Variants in SYDE2 observed in about 807,000 individuals in gnomAD.
The protein encoded by SYDE2 is rho GTPase-activating protein SYDE2.
Under a neutral mutation model 91.5 loss-of-function variants are expected in SYDE2, and 76 were observed. That is an observed-to-expected ratio of 0.83 (90% CI 0.69 to 1.01). The LOEUF is 1.01. Ranked by LOEUF, SYDE2 falls within the 50% of genes least tolerant of loss-of-function variation. SYDE2 has a pLI of 0.00. For missense variants in SYDE2, 1,364 were observed against 1,367.7 expected (o/e 1.00, Z 0.04); for synonymous variants, 513 against 506.4 (o/e 1.01, Z -0.18).
In SYDE2 at chr1:85,183,121, T is replaced by A. The variant is rs1267627452; in HGVS notation, c.1521A>T (p.Lys507Asn). The A allele has an allele frequency of 6.2e-7, 1 of 1,613,302 alleles. No homozygotes were observed. The highest frequency in any genetic ancestry group is 8.5e-7 in the Non-Finnish European group (1 of 1,179,676). The change falls in exon 3 of 7, where the codon AAA becomes AAT. Residue 507 changes from lysine to asparagine, a missense_variant. By Grantham distance (94) the Lys-to-Asn change is moderately conservative. Coordinates refer to ENST00000341460, the MANE Select transcript of SYDE2 (RefSeq NM_032184.2). ...EPSSPNPSPV[K>N]KGSSINWSLP... The stretch of plus-strand genomic sequence containing the variant: ...ATGACCAATTAATTGAACTGCCTTT[T>A]TTCACAGGGCTAGGATTTGGAGAAG...
downstream of SYDE2, among the ~76,000 whole-genome samples, chr1:85,155,474 A>G (rs1449405908): frequency 6.6e-6 from 1 of 151,928 alleles, no homozygotes; most frequent in Non-Finnish European, 1.5e-5. Flanking sequence ...CCCCGTCTCT[A>G]TTGAAAGATT....
intron 1 of SYDE2, among the ~76,000 whole-genome samples, chr1:85,199,391 T>C (rs756961984): frequency 2.6e-5 from 4 of 152,222 alleles, no homozygotes; most frequent in South Asian, 2.1e-4. Context: ...GTTTCTAGAA[T>C]TGATAACCTA....
At chr1:85,159,402 T>C (rs187728997) in intron 6 of SYDE2, among the ~76,000 whole-genome samples, 153 bp from the exon 7 acceptor site, 6 of 152,304 alleles carry the variant, frequency 3.9e-5, no homozygotes, top group African/African-American at 1.4e-4. Flanking sequence ...CCATAATTAT[T>C]TTTTATTACC....
At chr1:85,183,304 A>C (rs1658008139) in intron 2 of SYDE2, 104 bp from the exon 3 acceptor site, 1 of 1,042,474 alleles carries the variant, frequency 9.6e-7, no homozygotes, top group African/African-American at 1.6e-5. Flanking sequence ...ATAGGCAGAA[A>C]TTCTTCTCTT....
chr1:85,154,962 A>G (rs1656843048), downstream of SYDE2, among the ~76,000 whole-genome samples: 1 of 151,038 alleles, frequency 6.6e-6, no homozygotes, highest in Non-Finnish European at 1.5e-5. Context: ...AGGCACCTGT[A>G]AATATACTTC....
downstream of SYDE2, among the ~76,000 whole-genome samples, chr1:85,154,945 G>GA (rs1438320308): frequency 7.9e-6 from 1 of 126,656 alleles, no homozygotes; most frequent in South Asian, 2.6e-4. Context: ...CTTTCTGGGG[G>GA]AAAAAAAGGC....
At chr1:85,182,076 G>T in intron 3 of SYDE2, 22 bp downstream of exon 3, 1 of 1,543,940 alleles carries the variant, frequency 6.5e-7, no homozygotes. Context: ...GGAAGTAGTA[G>T]GGAACCATAG....
chr1:85,153,456 T>G (rs977946690), downstream of SYDE2: 1 of 152,158 alleles, frequency 6.6e-6, no homozygotes, highest in Non-Finnish European at 1.5e-5. Context: ...TAGGAAAGTG[T>G]TGTGTATATT....
downstream of SYDE2, among the ~76,000 whole-genome samples, chr1:85,155,418 C>T (rs1330212258): frequency 2.6e-5 from 4 of 151,968 alleles, no homozygotes; most frequent in South Asian, 4.2e-4. Flanking sequence ...CGGAAAGGAT[C>T]GCTTGAGCCT....
Position 85,158,821 on chromosome 1 carries a change from C to T in SYDE2, c.3514G>A (p.Glu1172Lys), listed in dbSNP as rs781408308. The T allele has an allele frequency of 1.4e-5, 11 of 773,728 alleles. 1 individual carries two copies. The highest frequency in any genetic ancestry group is 1.9e-5 in the Non-Finnish European group (8 of 415,688). 47.9% of individuals were successfully genotyped at this position (773,728 alleles called of 1,614,324 possible). A position where few individuals can be genotyped will look rare whatever the true frequency, so the allele number is the denominator to read the frequency against. Residue 1172 changes from glutamate to lysine, a missense_variant, in exon 7 of 7, where the codon GAA becomes AAA. Glu to Lys is a moderately conservative substitution (Grantham distance 56). Transcript: ENST00000341460. ...TTTCCAATCAAAGTATCAATACTTT[C>T]TTGTAGATCTTTGAGATTGTTTTTT... ...DRKNNLKDLQ[E>K]SIDTLIGNLE...
At chr1:85,165,513 G>T (rs1019475165) in intron 5 of SYDE2, among the ~76,000 whole-genome samples, 2 of 151,868 alleles carry the variant, frequency 1.3e-5, no homozygotes, top group African/African-American at 4.8e-5. Flanking sequence ...AACATGGCCA[G>T]GTTCTATAAT....
rs538810760 is a variant in SYDE2, at chr1:85,200,344, C to T, written c.653G>A (p.Gly218Glu). 2.1e-5 allele frequency: 34 copies of T among 1,614,048 alleles called. No homozygotes were observed. The East Asian group carries it at 6.9e-4, about 33-fold the overall frequency. Residue 218 changes from glycine (G) to glutamate (E), a missense_variant, in exon 1 of 7, where the codon GGA (glycine) becomes GAA (glutamate). By Grantham distance (98) the Gly-to-Glu change is moderately conservative. Transcript: ENST00000341460. ...CACATTTGGGGAGGCTGCCTGCGTT[C>T]CTGTGACTTTGGGAGCCGTCCCACG... ...RARGTAPKVT[G>E]TQAASPNVGA...
intron 1 of SYDE2, among the ~76,000 whole-genome samples, chr1:85,196,942 C>G (rs1041347303): frequency 6.6e-6 from 1 of 152,066 alleles, no homozygotes; most frequent in African/African-American, 2.4e-5. Flanking sequence ...GTTATACAGT[C>G]TAAAGTTTTT....
rs537261775 is a variant in SYDE2 at position 85,166,287 on chromosome 1, C to A, written c.2854-1530G>T. On this transcript the variant is annotated intron_variant, in intron 5 of 6. Coordinates refer to ENST00000341460, the MANE Select transcript of SYDE2 (RefSeq NM_032184.2). ...CTGGGAGGCAGAGGTTTCAGTGAGCCAAGATTGTGCCACTGTACTCCAGCG... is the reference window on the plus strand; with the variant it reads ...CTGGGAGGCAGAGGTTTCAGTGAGCAAAGATTGTGCCACTGTACTCCAGCG... Among the ~76,000 whole-genome samples the A allele has an allele frequency of 2.0e-5, 3 of 149,082 alleles. No homozygotes were observed. The South Asian group carries it at 6.4e-4, about 32-fold the overall frequency.
In SYDE2 at chr1:85,182,296, A is replaced by C. The variant is rs768089914; in HGVS notation, c.2346T>G (p.Leu782=). 7 of 1,613,672 alleles carry C rather than the reference A, an allele frequency of 4.3e-6. No homozygotes were observed. The African/African-American group carries it at 9.3e-5, about 22-fold the overall frequency. The change falls in exon 3 of 7, where the codon CTT becomes CTG. Residue 782 remains leucine, a synonymous_variant. Coordinates refer to ENST00000341460, the MANE Select transcript of SYDE2 (RefSeq NM_032184.2). Reference sequence around the variant, plus strand: ...TCACATAAATAAGACCTCTAGGTTCAAGTTTGACAGCCAACTGATGAGTCT... The same window carrying C: ...TCACATAAATAAGACCTCTAGGTTCCAGTTTGACAGCCAACTGATGAGTCT... ...VTKTHQLAVK[L]EPRGLIYVKV...
chr1:85,167,922 T>C (rs1233909994), intron 5 of SYDE2, among the ~76,000 whole-genome samples: 1 of 151,970 alleles, frequency 6.6e-6, no homozygotes, highest in African/African-American at 2.4e-5. Context: ...GGGACCAGCC[T>C]GGCCAACATG....
chr1:85,161,827 G>C (rs937922529), intron 6 of SYDE2, among the ~76,000 whole-genome samples: 2 of 151,990 alleles, frequency 1.3e-5, no homozygotes, highest in Admixed American at 1.3e-4. Context: ...AGGGGGGCCA[G>C]GAGTATTATT....
chr1:85,163,442 AATCT>A (rs1179246373), intron 6 of SYDE2, among the ~76,000 whole-genome samples: 7 of 50,734 alleles, frequency 1.4e-4, no homozygotes, highest in African/African-American at 2.6e-4. Flanking sequence ...CTTGTACTTT[AATCT>A]ATATATATAT....
At chr1:85,180,703 A>C (rs1054182565) in intron 3 of SYDE2, among the ~76,000 whole-genome samples, 72 of 151,978 alleles carry the variant, frequency 4.7e-4, no homozygotes, top group Admixed American at 9.2e-4. Flanking sequence ...AAAAAAAAAA[A>C]ATACAGTTCT....
Sources: allele counts gnomAD v4.1 joint callset (sites outside exome capture counted in the v4.1 genomes callset), GRCh38; gene constraint gnomAD v4.1.1; transcripts MANE v1.5; gene names NCBI Gene and HGNC (gene_info 2026-07-23, HGNC 2026-07-21).